The following LPA variants were observed in gnomAD, a reference collection of about 807,000 sequenced individuals.
LPA encodes the protein apolipoprotein(a).
LPA carries 199 observed loss-of-function variants against 197.9 expected under a neutral mutation model. That is an observed-to-expected ratio of 1.01 (90% CI 0.90 to 1.13). The LOEUF (loss-of-function observed/expected upper bound fraction) is 1.13. Among genes scored for constraint, LPA ranks in the 50% most tolerant of loss-of-function variants. The pLI is 0.00. For synonymous variants in LPA, 715 were observed against 639.5 expected (o/e 1.12, Z -1.78); for missense variants, 1,853 against 1,785.8 (o/e 1.04, Z -0.68).
chr6:160,647,152 C>T (rs1779903102), intron 2 of LPA, among the ~76,000 whole-genome samples: 1 of 152,180 alleles, frequency 6.6e-6, no homozygotes, highest in African/African-American at 2.4e-5. Flanking sequence ...TGTCCACAGC[C>T]ACTCCAGAAC....
intron 23 of LPA, 116 bp downstream of exon 23, chr6:160,590,828 C>G (rs1038936805): frequency 1.4e-6 from 2 of 1,420,628 alleles, no homozygotes; most frequent in East Asian, 2.4e-5. Context: ...ATTGGCTGAC[C>G]CTGAGTCCAC....
intron 19 of LPA, 42 bp downstream of exon 19, chr6:160,600,875 T>C (rs983129872): frequency 2.1e-5 from 34 of 1,605,916 alleles, no homozygotes; most frequent in African/African-American, 4.0e-5. Flanking sequence ...TGGCTTTTCA[T>C]CCCAGCATCC....
At chr6:160,598,766 A>T (rs1779179168) in intron 20 of LPA, among the ~76,000 whole-genome samples, 1 of 152,152 alleles carries the variant, frequency 6.6e-6, no homozygotes, top group African/African-American at 2.4e-5. Context: ...TACCCATTGA[A>T]AAAGAAGTAG....
intron 1 of LPA, among the ~76,000 whole-genome samples, chr6:160,653,182 A>G (rs1302847489): frequency 2.6e-5 from 4 of 152,162 alleles, no homozygotes; most frequent in Non-Finnish European, 5.9e-5. Flanking sequence ...ACTTCCAGAG[A>G]TAAGAAGAAA....
rs1468788108 is a variant in LPA at position 160,634,594 on chromosome 6, C to T, written c.1075+529G>A. Among the ~76,000 whole-genome samples, 20 of 146,956 alleles carry T rather than the reference C, an allele frequency of 1.4e-4. 1 individual carries two copies. The highest frequency in any genetic ancestry group is 5.0e-4 in the African/African-American group (19 of 37,752). Reference sequence around the variant, plus strand: ...TTTAAGAACACTGAGAAATCACTCCCTTCAAAGCCTAGGACTGAAGAGCCT... The same window carrying T: ...TTTAAGAACACTGAGAAATCACTCCTTTCAAAGCCTAGGACTGAAGAGCCT... On this transcript the variant is annotated intron_variant, in intron 7 of 38. Coordinates refer to ENST00000316300, the MANE Select transcript of LPA (RefSeq NM_005577.4).
rs1352567630 is a variant in LPA at position 160,547,853 on chromosome 6, T to G, written c.5240A>C (p.Gln1747Pro). ...GAACGTGCTGTGTCTATGGGGCTCCTGGGCAGCCCATTCCTGGCATGGCGT... is the reference window on the plus strand; with the variant it reads ...GAACGTGCTGTGTCTATGGGGCTCCGGGGCAGCCCATTCCTGGCATGGCGT... ...TGTPCQEWAA[Q>P]EPHRHSTFIP... Residue 1747 changes from glutamine to proline, a missense_variant, in exon 32 of 39, where the codon CAG becomes CCG. Gln to Pro is a moderately conservative substitution (Grantham distance 76). Around this residue, in one of 3 missense-constraint regions of LPA, gnomAD observed 1,737 missense variants for 1,504.4 expected, o/e 1.15. Coordinates refer to ENST00000316300, the MANE Select transcript of LPA (RefSeq NM_005577.4). The G allele has an allele frequency of 6.2e-7, 1 of 1,614,142 alleles. No homozygotes were observed. Among genetic ancestry groups the G allele is most frequent in the Non-Finnish European group, 8.5e-7 (1 of 1,180,002 alleles).
At chr6:160,610,456 T>A (rs1184604879) in intron 16 of LPA, among the ~76,000 whole-genome samples, 2 of 152,170 alleles carry the variant, frequency 1.3e-5, no homozygotes, top group Admixed American at 1.3e-4. Context: ...ATCTAGCTGG[T>A]AAGAACTCCA....
At chr6:160,658,971 A>G (rs1780176879) in intron 1 of LPA, among the ~76,000 whole-genome samples, 1 of 152,048 alleles carries the variant, frequency 6.6e-6, no homozygotes, top group South Asian at 2.1e-4. Context: ...ATATAGATAT[A>G]CTCACACAAA....
chr6:160,579,051 A>G (rs1778740493), intron 26 of LPA, among the ~76,000 whole-genome samples: 1 of 152,148 alleles, frequency 6.6e-6, no homozygotes, highest in Non-Finnish European at 1.5e-5. Flanking sequence ...TGAAATATGT[A>G]TCTTAGATTT....
At chr6:160,566,785 G>C (rs1357984283) in intron 28 of LPA, among the ~76,000 whole-genome samples, 1 of 152,178 alleles carries the variant, frequency 6.6e-6, no homozygotes, top group East Asian at 1.9e-4. Flanking sequence ...CAAAATAAAG[G>C]GATGGAGGAA....
intron 18 of LPA, among the ~76,000 whole-genome samples, chr6:160,603,290 G>T (rs927410548): frequency 2.0e-5 from 3 of 151,514 alleles, no homozygotes; most frequent in South Asian, 2.1e-4. Context: ...GTGCATGTGT[G>T]AGTATGTGTG....
chr6:160,648,309 G>A (rs184608965), intron 2 of LPA, among the ~76,000 whole-genome samples: 1 of 152,124 alleles, frequency 6.6e-6, no homozygotes. Context: ...GAACTGCTAT[G>A]TACCCAGTGG....
chr6:160,657,191 T>C (rs1780146982), intron 1 of LPA, among the ~76,000 whole-genome samples: 1 of 152,150 alleles, frequency 6.6e-6, no homozygotes, highest in South Asian at 2.1e-4. Context: ...CACAAATCTA[T>C]TTCACAAAGC....
chr6:160,590,289 G>A (rs1779000978), intron 23 of LPA, among the ~76,000 whole-genome samples: 1 of 152,156 alleles, frequency 6.6e-6, no homozygotes, highest in Non-Finnish European at 1.5e-5. Context: ...ATCCTGCATT[G>A]CAACAAAGTA....
At chr6:160,611,048 C>A (rs999865622) in intron 16 of LPA, among the ~76,000 whole-genome samples, 12 of 152,092 alleles carry the variant, frequency 7.9e-5, no homozygotes, top group African/African-American at 1.9e-4. Context: ...TTGCTGGGAA[C>A]CTCTATCCTT....
chr6:160,544,002 T>C (rs2115000546), intron 33 of LPA, among the ~76,000 whole-genome samples: 1 of 152,282 alleles, frequency 6.6e-6, no homozygotes, highest in South Asian at 2.1e-4. Context: ...AACCTCACAG[T>C]CCATTGGAAG....
chr6:160,568,518 A>T (rs1258519938), intron 28 of LPA, among the ~76,000 whole-genome samples: 1 of 152,238 alleles, frequency 6.6e-6, no homozygotes. Context: ...TGACAAACCC[A>T]TAGCCAATAT....
At chr6:160,550,239 A>C (rs1583572208) in intron 30 of LPA, among the ~76,000 whole-genome samples, 1 of 147,586 alleles carries the variant, frequency 6.8e-6, no homozygotes, top group South Asian at 2.1e-4. Flanking sequence ...AAAAAAAAGC[A>C]CAGCCGGTGA....
chr6:160,557,543 G>C lies in LPA; in HGVS notation c.4660C>G (p.Pro1554Ala). 1.2e-6 allele frequency: 2 copies of C among 1,614,054 alleles called. No homozygotes were observed. The highest frequency in any genetic ancestry group is 1.7e-6 in the Non-Finnish European group (2 of 1,180,002). Residue 1554 changes from proline (P) to alanine (A), a missense_variant, in exon 29 of 39, where the codon CCA (proline) becomes GCA (alanine). Around this residue, in one of 3 missense-constraint regions of LPA, gnomAD observed 1,737 missense variants for 1,504.4 expected, o/e 1.15. Transcript: ENST00000316300. ...AGLTENYCRN[P>A]DSGKQPWCYT... ...CACCAGGGTTGTTTCCCAGAATCTGGATTCCTGCAGTAGTTCTCGGTCAGG... is the reference window on the plus strand; with the variant it reads ...CACCAGGGTTGTTTCCCAGAATCTGCATTCCTGCAGTAGTTCTCGGTCAGG...
Sources: allele counts gnomAD v4.1 joint callset (sites outside exome capture counted in the v4.1 genomes callset), GRCh38; gene constraint gnomAD v4.1.1; regional missense constraint gnomAD v4.1.1; transcripts MANE v1.5; gene names NCBI Gene and HGNC (gene_info 2026-07-23, HGNC 2026-07-21).